ASB4: variants seen among roughly 807,000 people sequenced by gnomAD.
ASB4 encodes the protein ankyrin repeat and SOCS box containing 4.
A neutral mutation model predicts 38.6 loss-of-function variants in ASB4; 35 were observed. The observed-to-expected ratio is 0.91, with a 90% confidence interval of 0.69 to 1.20. ASB4 has a LOEUF of 1.20. ASB4 is among the 50% of genes most tolerant of loss of function. The probability of loss-of-function intolerance (pLI) is 0.00; values close to 1 mark genes in which losing one functional copy is unlikely to be tolerated. For missense variants in ASB4, 557 were observed against 527.2 expected, an observed-to-expected ratio of 1.06 and a Z score of -0.55; for synonymous variants, 195 against 201.3, an observed-to-expected ratio of 0.97 and a Z score of 0.26.
chr7:95,502,389 T>C (rs199681056), intron 2 of ASB4, among the ~76,000 whole-genome samples: 1 of 83,396 alleles, frequency 1.2e-5, no homozygotes, highest in East Asian at 3.1e-4. Flanking sequence ...GGTACCAGCC[T>C]GCGGGGGGGG....
chr7:95,484,947 TACAC>T (rs138279078), upstream of ASB4, among the ~76,000 whole-genome samples: 1 of 147,098 alleles, frequency 6.8e-6, no homozygotes, highest in South Asian at 2.3e-4. Flanking sequence ...TGTTTCTATT[TACAC>T]ACACATATAT....
At chr7:95,485,909 G>A (rs995296435), upstream of ASB4, 674 of 1,463,708 alleles carry the variant, frequency 4.6e-4, 5 homozygotes, top group Middle Eastern at 1.9e-4. Context: ...TCCAGCATGC[G>A]CCTGTTTGCT....
intron 2 of ASB4, among the ~76,000 whole-genome samples, chr7:95,525,218 A>G (rs80137322): frequency 0.05 from 7,669 of 152,210 alleles, 345 homozygotes; most frequent in South Asian, 0.13. Context: ...AACCCTAGAC[A>G]CTTTAATTTT....
chr7:95,526,026 G>A lies in ASB4; in HGVS notation c.488-1787G>A, dbSNP rs3801913. Reference sequence around the variant, plus strand: ...CATAAAGGAACAATACATGGTAAACGGATTTTTTTTAAAGCTAACAAAATG... The same window carrying A: ...CATAAAGGAACAATACATGGTAAACAGATTTTTTTTAAAGCTAACAAAATG... On this transcript the variant is annotated intron_variant, in intron 2 of 4. Transcript: ENST00000325885. Among the ~76,000 whole-genome samples, 2,382 of 152,164 alleles carry A rather than the reference G, an allele frequency of 0.016. 246 individuals are homozygous for A. The East Asian group carries it at 0.29, about 18-fold the overall frequency.
At chr7:95,500,811 A>G (rs979046047) in intron 2 of ASB4, among the ~76,000 whole-genome samples, 11 of 152,068 alleles carry the variant, frequency 7.2e-5, no homozygotes, top group Admixed American at 2.0e-4. Flanking sequence ...TTTGGCACAC[A>G]AGGTTTTCCT....
chr7:95,483,277 C>CATACACA (rs1790039362), upstream of ASB4, among the ~76,000 whole-genome samples: 2 of 152,170 alleles, frequency 1.3e-5, no homozygotes, highest in Admixed American at 6.5e-5. Flanking sequence ...ACTTGATACA[C>CATACACA]GTGGTCTGGC....
intron 2 of ASB4, among the ~76,000 whole-genome samples, chr7:95,513,293 A>ATGTGTGTGTG (rs3046862): frequency 0.06 from 5,301 of 89,028 alleles, 191 homozygotes; most frequent in African/African-American, 0.074. Flanking sequence ...AGCCAATAGA[A>ATGTGTGTGTG]TGTGTGTGTG....
At chr7:95,547,386 T>G in the ASB4 span, among the ~76,000 whole-genome samples, 1 of 152,240 alleles carries the variant, frequency 6.6e-6, no homozygotes, top group Non-Finnish European at 1.5e-5. Context: ...AAAACAGAAT[T>G]ATACAGCATA....
Position 95,537,713 on chromosome 7 carries a change from C to T in ASB4, c.1235C>T (p.Ser412Leu). The T allele has an allele frequency of 6.2e-7, 1 of 1,613,706 alleles. No individual in the cohort carries two copies. The highest frequency in any genetic ancestry group is 8.5e-7 in the Non-Finnish European group (1 of 1,179,774). ...ATTCCTTTGCTTTCCCTCCCATTGTCATTGAAAAAGTACTTGCTTTTAGAG... is the reference window on the plus strand; with the variant it reads ...ATTCCTTTGCTTTCCCTCCCATTGTTATTGAAAAAGTACTTGCTTTTAGAG... ...RAIPLLSLPL[S>L]LKKYLLLEPE... Residue 412 changes from serine to leucine, a missense_variant, in exon 5 of 5, where the codon TCA becomes TTA. Ser to Leu is a moderately radical substitution (Grantham distance 145, BLOSUM62 -2). Transcript: ENST00000325885.
upstream of ASB4, among the ~76,000 whole-genome samples, chr7:95,476,337 C>A (rs550099902): frequency 6.6e-6 from 1 of 152,154 alleles, no homozygotes; most frequent in Non-Finnish European, 1.5e-5. Context: ...GAGGTAGGTG[C>A]GTATTGCATG....
chr7:95,518,911 T>C (rs1388318384), intron 2 of ASB4, among the ~76,000 whole-genome samples: 1 of 152,160 alleles, frequency 6.6e-6, no homozygotes, highest in Admixed American at 6.6e-5. Flanking sequence ...GGAGAGTCAC[T>C]GGGAGTTAGT....
chr7:95,524,641 T>C (rs1461210783), intron 2 of ASB4, among the ~76,000 whole-genome samples: 1 of 152,188 alleles, frequency 6.6e-6, no homozygotes, highest in African/African-American at 2.4e-5. Flanking sequence ...CGTGAATTTA[T>C]TTGGAAATAA....
Position 95,486,155 on chromosome 7 carries a change from CA to C in ASB4, c.186del (p.Gly63ValfsTer9). On this transcript the variant is annotated frameshift_variant and splice_region_variant, in exon 1 of 5. Transcript: ENST00000325885. LOFTEE classifies it high-confidence loss of function. Reference sequence around the variant, plus strand: ...GAATATGGTTTTGGCATCTTATAAACAAGGTAAAAACATATAGGTGTTATTG... The same window carrying C: ...GAATATGGTTTTGGCATCTTATAAACAGGTAAAAACATATAGGTGTTATTG... ...DENMVLASYK[Q>X]GYWLPSYKLK... is the part of the protein sequence containing the mutation. 6.2e-7 allele frequency: 1 copy of C among 1,612,288 alleles called. No homozygotes were observed. Among genetic ancestry groups the C allele is most frequent in the Non-Finnish European group, 8.5e-7 (1 of 1,178,954 alleles).
chr7:95,479,738 G>A (rs1481513901), intron 1 of ASB4, among the ~76,000 whole-genome samples: 1 of 152,170 alleles, frequency 6.6e-6, no homozygotes. Flanking sequence ...CAGATATGAG[G>A]ATGCTGTTGT....
intron 3 of ASB4, among the ~76,000 whole-genome samples, chr7:95,534,609 T>C (rs1444393166): frequency 6.6e-6 from 1 of 152,158 alleles, no homozygotes; most frequent in East Asian, 1.9e-4. Context: ...CTCCACTCTC[T>C]GCCCTCGATG....
rs117478649 is a variant in ASB4, at chr7:95,507,150, G to T, written c.487+11093G>T. On this transcript the variant is annotated intron_variant, in intron 2 of 4. Coordinates refer to ENST00000325885, the MANE Select transcript of ASB4 (RefSeq NM_016116.3). ...GTAGAGGTTTTTTGTTTGTTTGTTT[G>T]TTTTTTTGCTGCAGGGTATCTGGCT... 7.7e-3 allele frequency among the ~76,000 whole-genome samples: 1,167 copies of T among 151,880 alleles called. 17 individuals carry two copies. The highest frequency in any genetic ancestry group is 0.026 in the South Asian group (124 of 4,804).
At chr7:95,537,226 G>T (rs998220987) in intron 4 of ASB4, among the ~76,000 whole-genome samples, 1 of 152,156 alleles carries the variant, frequency 6.6e-6, no homozygotes, top group African/African-American at 2.4e-5. Context: ...TGAGTGAGCT[G>T]CATTAATCCT....
intron 2 of ASB4, among the ~76,000 whole-genome samples, chr7:95,500,303 T>G (rs1189144467): frequency 2.0e-5 from 3 of 152,072 alleles, no homozygotes; most frequent in Non-Finnish European, 4.4e-5. Flanking sequence ...CCGTGGCTTA[T>G]GCTTGTAATC....
intron 1 of ASB4, among the ~76,000 whole-genome samples, chr7:95,492,311 A>C (rs893852573): frequency 6.6e-6 from 1 of 152,230 alleles, no homozygotes; most frequent in Non-Finnish European, 1.5e-5. Context: ...GAGGAAAAAA[A>C]TTCAACTAGC....
Sources: gnomAD v4.1 joint callset for allele counts (sites outside exome capture counted in the v4.1 genomes callset) on GRCh38, gnomAD v4.1.1 for gene constraint, MANE v1.5 for transcripts, NCBI Gene and HGNC (gene_info 2026-07-23, HGNC 2026-07-21) for gene names.